Variants in GDAP2 observed in about 807,000 individuals in gnomAD.
GDAP2 encodes the protein ganglioside induced differentiation associated protein 2, also known as ganglioside-induced differentiation-associated protein 2.
GDAP2 carries 51 observed loss-of-function variants against 67.0 expected under a neutral mutation model. The observed-to-expected ratio is 0.76, with a 90% CI of 0.61 to 0.96. The LOEUF (loss-of-function observed/expected upper bound fraction) is 0.96. Among genes scored for constraint, GDAP2 ranks in the 40% least tolerant of loss-of-function variants. GDAP2 has a pLI of 0.00. For synonymous variants in GDAP2, 203 were observed against 207.3 expected, an observed-to-expected ratio of 0.98 and a Z score of 0.18; for missense variants, 547 against 588.3, an observed-to-expected ratio of 0.93 and a Z score of 0.73.
intron 5 of GDAP2, among the ~76,000 whole-genome samples, chr1:117,907,771 G>C (rs113524814): frequency 5.0e-4 from 76 of 152,024 alleles, no homozygotes; most frequent in African/African-American, 1.7e-3. Context: ...TCTTTTTTCC[G>C]CAAGTCTACA....
Position 117,870,012 on chromosome 1 carries a change from T to C in GDAP2, c.*557A>G, listed in dbSNP as rs1283258475. ...TTGTACATTAACATTCTAAGTCCTA[T>C]GTTTTGCTAATGATTTTGATGTTTT... On this transcript the variant is annotated 3_prime_UTR_variant, in exon 14 of 14. Transcript: ENST00000369443. The C allele has an allele frequency of 6.5e-6, 1 of 152,714 alleles. No individual in the cohort carries two copies. Among genetic ancestry groups the C allele is most frequent in the African/African-American group, 2.4e-5 (1 of 41,472 alleles). 9.5% of individuals were successfully genotyped at this position (152,714 alleles called of 1,614,324 possible).
At chr1:117,894,690 C>A (rs1045495048) in intron 8 of GDAP2, among the ~76,000 whole-genome samples, 5 of 151,986 alleles carry the variant, frequency 3.3e-5, no homozygotes, top group African/African-American at 1.2e-4. Flanking sequence ...TTTTTTCATG[C>A]AACACCATTT....
In GDAP2 at chr1:117,864,923, A is replaced by G. The variant is rs1377086398; in HGVS notation, c.*5646T>C. On this transcript the variant is annotated 3_prime_UTR_variant, in exon 14 of 14. Coordinates refer to ENST00000369443, the MANE Select transcript of GDAP2 (RefSeq NM_017686.4). ...GGACCACAGGAAGAATTACAATGACAGTTCTGTCTCCTTTCCTTGAAAGAG... is the reference window on the plus strand; with the variant it reads ...GGACCACAGGAAGAATTACAATGACGGTTCTGTCTCCTTTCCTTGAAAGAG... 2.6e-5 allele frequency: 4 copies of G among 152,186 alleles called. No homozygotes were observed. Among genetic ancestry groups the G allele is most frequent in the African/African-American group, 9.7e-5 (4 of 41,450 alleles). 9.4% of individuals were successfully genotyped at this position (152,186 alleles called of 1,614,324 possible).
At chr1:117,910,267 C>T (rs1275756645) in intron 5 of GDAP2, among the ~76,000 whole-genome samples, 3 of 149,752 alleles carry the variant, frequency 2.0e-5, no homozygotes, top group African/African-American at 7.5e-5. Flanking sequence ...TTTATTTGTA[C>T]AACGGACACC....
chr1:117,903,474 A>C (rs1176029471), intron 6 of GDAP2, among the ~76,000 whole-genome samples: 1 of 151,812 alleles, frequency 6.6e-6, no homozygotes, highest in East Asian at 1.9e-4. Context: ...GACTGTTTTT[A>C]TCAAGAAAGA....
At chr1:117,902,558 C>T (rs1649517075) in intron 6 of GDAP2, among the ~76,000 whole-genome samples, 1 of 152,154 alleles carries the variant, frequency 6.6e-6, no homozygotes, top group Non-Finnish European at 1.5e-5. Context: ...GTTGAAAAGG[C>T]TATTCTTTCC....
intron 12 of GDAP2, among the ~76,000 whole-genome samples, chr1:117,881,016 T>C (rs1648630997): frequency 6.6e-6 from 1 of 152,124 alleles, no homozygotes; most frequent in Non-Finnish European, 1.5e-5. Context: ...CAAGTAGGTT[T>C]GGAGTGGGAA....
chr1:117,877,217 A>G (rs1300269492), intron 13 of GDAP2: 2 of 842,046 alleles, frequency 2.4e-6, no homozygotes, highest in African/African-American at 3.7e-5. Context: ...AATGTTAGAG[A>G]GAAATTGTGT....
At position 117,863,491 on chromosome 1, in the gene GDAP2, G is replaced by A. The variant is rs1251619150; in HGVS notation, c.*7078C>T. ...AATGCTAAGTTGAGCCCAATGGTCT[G>A]AATATTCCTTTACTGTAGCACAATC... On this transcript the variant is annotated 3_prime_UTR_variant, in exon 14 of 14. Transcript: ENST00000369443. 1 of 152,176 alleles carries A rather than the reference G, an allele frequency of 6.6e-6. No individual in the cohort carries two copies. Among genetic ancestry groups the A allele is most frequent in the Non-Finnish European group, 1.5e-5 (1 of 68,028 alleles). 9.4% of individuals were successfully genotyped at this position (152,176 alleles called of 1,614,324 possible). A position where few individuals can be genotyped will look rare whatever the true frequency, so the allele number is the denominator to read the frequency against.
chr1:117,877,712 G>A, intron 13 of GDAP2: 3 of 1,092,642 alleles, frequency 2.7e-6, no homozygotes, highest in South Asian at 8.6e-5. Flanking sequence ...AAATTAGGCA[G>A]AGGTATCTGT....
Position 117,870,457 on chromosome 1 carries a change from G to C in GDAP2, c.*112C>G. The C allele has an allele frequency of 1.4e-6, 1 of 740,140 alleles. No homozygotes were observed. Among genetic ancestry groups the C allele is most frequent in the Non-Finnish European group, 2.4e-6 (1 of 415,642 alleles). 45.8% of individuals were successfully genotyped at this position (740,140 alleles called of 1,614,324 possible). A position where few individuals can be genotyped will look rare whatever the true frequency, so the allele number is the denominator to read the frequency against. On this transcript the variant is annotated 3_prime_UTR_variant, in exon 14 of 14. Transcript: ENST00000369443. ...TCAATAAAAAAATACCAGAGAGGTGGGGACAAAAGGCTCTCTGGATCTGTA... is the reference window on the plus strand; with the variant it reads ...TCAATAAAAAAATACCAGAGAGGTGCGGACAAAAGGCTCTCTGGATCTGTA...
chr1:117,885,854 A>G (rs1570970297), intron 10 of GDAP2, among the ~76,000 whole-genome samples: 2 of 152,134 alleles, frequency 1.3e-5, no homozygotes, highest in Non-Finnish European at 2.9e-5. Flanking sequence ...GATTCTCTAC[A>G]TAATTATCTT....
chr1:117,877,658 ATTC>A (rs1648509984), intron 13 of GDAP2: 33 of 1,016,244 alleles, frequency 3.2e-5, no homozygotes, highest in Non-Finnish European at 3.9e-5. Context: ...TCACCAATAA[ATTC>A]TTCTGGCTCT....
chr1:117,877,455 T>G (rs1648502945), intron 13 of GDAP2: 15 of 977,442 alleles, frequency 1.5e-5, no homozygotes, highest in Non-Finnish European at 1.7e-5. Context: ...TAGAATAAAT[T>G]GATGAAATTC....
intron 8 of GDAP2, among the ~76,000 whole-genome samples, chr1:117,890,648 T>C (rs927529411): frequency 3.3e-5 from 5 of 152,082 alleles, no homozygotes; most frequent in Non-Finnish European, 5.9e-5. Context: ...AACCTTCATC[T>C]AACCATGTGC....
intron 6 of GDAP2, among the ~76,000 whole-genome samples, chr1:117,904,352 C>G (rs995042346): frequency 2.0e-5 from 3 of 152,138 alleles, no homozygotes; most frequent in African/African-American, 7.2e-5. Flanking sequence ...TAATCACATA[C>G]TATTTTGTGA....
chr1:117,881,609 C>T (rs1221093874), intron 12 of GDAP2, among the ~76,000 whole-genome samples: 1 of 152,144 alleles, frequency 6.6e-6, no homozygotes, highest in African/African-American at 2.4e-5. Context: ...CAGGCAGGGA[C>T]TGATGGGCTA....
At chr1:117,884,118 G>A (rs906121065) in intron 10 of GDAP2, among the ~76,000 whole-genome samples, 1 of 152,186 alleles carries the variant, frequency 6.6e-6, no homozygotes, top group Non-Finnish European at 1.5e-5. Flanking sequence ...ATAAAAAGAT[G>A]TAATGAGTGG....
chr1:117,877,741 C>A, intron 13 of GDAP2: 1 of 1,165,140 alleles, frequency 8.6e-7, no homozygotes, highest in Non-Finnish European at 1.1e-6. Context: ...TGGTAGAAAA[C>A]TTACAATACA....
Sources: allele counts gnomAD v4.1 joint callset (sites outside exome capture counted in the v4.1 genomes callset), GRCh38; gene constraint gnomAD v4.1.1; transcripts MANE v1.5; gene names NCBI Gene and HGNC (gene_info 2026-07-23, HGNC 2026-07-21).